Variants in PPP1R13L observed in about 807,000 individuals in gnomAD.
The protein encoded by PPP1R13L is protein phosphatase 1 regulatory subunit 13 like, also known as relA-associated inhibitor.
PPP1R13L carries 50 observed loss-of-function variants against 80.9 expected under a neutral mutation model. That is an observed-to-expected ratio of 0.62 (90% CI 0.49 to 0.78). The LOEUF (loss-of-function observed/expected upper bound fraction) is 0.78. PPP1R13L is among the 30% of genes least tolerant of loss of function. The pLI, the probability that PPP1R13L is intolerant of heterozygous loss-of-function variation, is 0.00. For synonymous variants in PPP1R13L, 602 were observed against 534.3 expected (o/e 1.13, Z -1.75); for missense variants, 1,200 against 1,205.9 (o/e 1.00, Z 0.07).
intron 11 of PPP1R13L, among the ~76,000 whole-genome samples, chr19:45,384,484 A>G (rs1231515956): frequency 6.6e-6 from 1 of 151,792 alleles, no homozygotes; most frequent in Non-Finnish European, 1.5e-5. Flanking sequence ...GTAGTGGGCT[A>G]TGGTGCCATT....
Position 45,391,980 on chromosome 19 carries a change from C to A in PPP1R13L, c.1715G>T (p.Gly572Val). The A allele has an allele frequency of 6.6e-7, 1 of 1,525,420 alleles. No individual in the cohort carries two copies. The highest frequency in any genetic ancestry group is 8.8e-7 in the Non-Finnish European group (1 of 1,138,940). The allele number at this position is 1,525,420 out of a possible 1,614,324, so 94.5% of individuals were successfully genotyped here. ...PEPELSPITE[G>V]SEARAGPPAP... ...AGGGGGCCCTGCCCTGGCCTCAGATCCCTCAGTGATGGGGGACAGCTCTGG... is the reference window on the plus strand; with the variant it reads ...AGGGGGCCCTGCCCTGGCCTCAGATACCTCAGTGATGGGGGACAGCTCTGG... The change falls in exon 8 of 13, where the codon GGA becomes GTA. Residue 572 changes from glycine (G) to valine (V), a missense_variant. By Grantham distance (109) the Gly-to-Val change is moderately radical. Around this residue, in one of 5 missense-constraint regions of PPP1R13L, gnomAD observed 214 missense variants for 199.6 expected, o/e 1.07. Transcript: ENST00000360957.
chr19:45,392,027 C>G lies in PPP1R13L; in HGVS notation c.1668G>C (p.Gly556=). The change falls in exon 8 of 13, where the codon GGG becomes GGC. Residue 556 remains glycine (G), a synonymous_variant. Transcript: ENST00000360957. ...IISRLFHRHG[G]PGPGGPEPEL... ...CTGGCTCCGGCCCCCCGGGCCCTGG[C>G]CCCCCATGACGATGGAAGAGGCGGC... is the stretch of plus-strand genomic sequence containing the variant. The G allele has an allele frequency of 1.3e-6, 2 of 1,541,086 alleles. No homozygotes were observed. Among genetic ancestry groups the G allele is most frequent in the Non-Finnish European group, 1.7e-6 (2 of 1,146,892 alleles).
At chr19:45,387,442 T>C (rs1568555363) in intron 8 of PPP1R13L, among the ~76,000 whole-genome samples, 1 of 152,196 alleles carries the variant, frequency 6.6e-6, no homozygotes, top group Non-Finnish European at 1.5e-5. Context: ...TTCCAATATG[T>C]TGTGATTGCA....
At chr19:45,398,201 C>T in intron 2 of PPP1R13L, 54 bp from the exon 3 acceptor site, 1 of 1,612,802 alleles carries the variant, frequency 6.2e-7, no homozygotes, top group Non-Finnish European at 8.5e-7. Context: ...GGGCCGGCCT[C>T]AGCACCCCTC....
At chr19:45,397,099 A>T in intron 3 of PPP1R13L, 41 bp from the exon 4 acceptor site, 1 of 1,260,206 alleles carries the variant, frequency 7.9e-7, no homozygotes, top group South Asian at 2.9e-5. Context: ...ATCAAAGGAG[A>T]CATTAGTGGA....
intron 7 of PPP1R13L, among the ~76,000 whole-genome samples, chr19:45,394,193 G>A (rs35540981): frequency 6.2e-4 from 93 of 150,102 alleles, no homozygotes; most frequent in African/African-American, 2.1e-3. Context: ...GTGCAGTGGC[G>A]CTATCACAGC....
At chr19:45,406,332 T>A, upstream of PPP1R13L, 8 of 1,150,832 alleles carry the variant, frequency 7.0e-6, no homozygotes, top group Non-Finnish European at 8.5e-6. The surrounding 1 kb of genome is among the most constrained non-coding windows in gnomAD (Gnocchi z 4.2). Flanking sequence ...CCGTCCTGTC[T>A]CTTTAAGGCT....
intron 1 of PPP1R13L, among the ~76,000 whole-genome samples, chr19:45,400,481 A>G (rs1973209394): frequency 6.6e-6 from 1 of 151,968 alleles, no homozygotes; most frequent in South Asian, 2.1e-4. Flanking sequence ...AGTCGAAGGA[A>G]CAGAACCTGT....
At position 45,382,725 on chromosome 19, in the gene PPP1R13L, G is replaced by A. The variant is rs1235757811; in HGVS notation, c.2250C>T (p.Asp750=). 2 of 1,613,754 alleles carry A rather than the reference G, an allele frequency of 1.2e-6. No homozygotes were observed. Among genetic ancestry groups the A allele is most frequent in the Admixed American group, 1.7e-5 (1 of 59,992 alleles). ...GYADCATYLA[D]VEQSMGLMNS... Reference sequence around the variant, plus strand: ...TCATCAGCCCCATACTCTGCTCGACGTCTGAAACATGCCACGGAGGGGAAG... The same window carrying A: ...TCATCAGCCCCATACTCTGCTCGACATCTGAAACATGCCACGGAGGGGAAG... Residue 750 remains aspartate, a splice_region_variant and synonymous_variant, in exon 12 of 13, where the codon GAC becomes GAT. Coordinates refer to ENST00000360957, the MANE Select transcript of PPP1R13L (RefSeq NM_006663.4).
rs1433202682 is a variant in PPP1R13L at position 45,398,288 on chromosome 19, C to T, written c.31G>A (p.Asp11Asn). The stretch of plus-strand genomic sequence containing the variant: ...CACTGGAAGTTCATGTCCAGAAAGT[C>T]CCGCGCGCTCTGGAATGCCTCGCTG... The part of the protein sequence containing the change: MDSEAFQSAR[D>N]FLDMNFQSLA... Residue 11 changes from aspartate to asparagine, a missense_variant, in exon 2 of 13, where the codon GAC becomes AAC. By Grantham distance (23) the Asp-to-Asn change is conservative. Coordinates refer to ENST00000360957, the MANE Select transcript of PPP1R13L (RefSeq NM_006663.4). The T allele has an allele frequency of 3.1e-6, 5 of 1,613,944 alleles. No individual in the cohort carries two copies. In the South Asian group the frequency reaches 3.3e-5, roughly 11 times the overall value.
upstream of PPP1R13L, among the ~76,000 whole-genome samples, chr19:45,405,832 C>A (rs35106329): frequency 8.0e-3 from 1,212 of 152,320 alleles, 15 homozygotes; most frequent in African/African-American, 0.023. Flanking sequence ...CGCCGCCCAA[C>A]GCGGGGCGGC....
At chr19:45,383,690 C>T (rs934253290) in intron 11 of PPP1R13L, among the ~76,000 whole-genome samples, 1 of 152,244 alleles carries the variant, frequency 6.6e-6, no homozygotes, top group African/African-American at 2.4e-5. Flanking sequence ...GGTACAGTCT[C>T]TAAGGAAGAT....
intron 11 of PPP1R13L, among the ~76,000 whole-genome samples, chr19:45,383,875 C>A (rs970843345): frequency 5.3e-5 from 8 of 152,156 alleles, no homozygotes; most frequent in Non-Finnish European, 1.2e-4. Context: ...AATTCTCCTG[C>A]CTCAGCCTCC....
In PPP1R13L at chr19:45,396,105, C is replaced by G; in HGVS notation, c.903+63G>C. 6.6e-7 allele frequency: 1 copy of G among 1,520,358 alleles called. No homozygotes were observed. The highest frequency in any genetic ancestry group is 8.9e-7 in the Non-Finnish European group (1 of 1,127,718). The allele number at this position is 1,520,358 out of a possible 1,614,324, so 94.2% of individuals were successfully genotyped here. A position where few individuals can be genotyped will look rare whatever the true frequency, so the allele number is the denominator to read the frequency against. On this transcript the variant is annotated intron_variant, in intron 6 of 12. Transcript: ENST00000360957. The surrounding 1 kb of genome is among the most constrained non-coding windows in gnomAD (Gnocchi z 5.3). The stretch of plus-strand genomic sequence containing the variant: ...CCCGAGGGGGAGACTGGCCTTGACC[C>G]CGCTCCCCCACCCCACTCCTCGACC...
At chr19:45,401,864 CCG>C (rs1262725124) in intron 1 of PPP1R13L, 1 of 152,042 alleles carries the variant, frequency 6.6e-6, no homozygotes, top group African/African-American at 2.4e-5. Context: ...CTTTGGGAGG[CCG>C]AGGGGGGAGG....
In PPP1R13L at chr19:45,396,357, C is replaced by T; in HGVS notation, c.792G>A (p.Ser264=). 1 of 1,614,110 alleles carries T rather than the reference C, an allele frequency of 6.2e-7. No homozygotes were observed. Among genetic ancestry groups the T allele is most frequent in the South Asian group, 1.1e-5 (1 of 91,088 alleles). Residue 264 remains serine, a synonymous_variant, in exon 5 of 13, where the codon TCG becomes TCA. Transcript: ENST00000360957. The surrounding 1 kb of genome is among the most constrained non-coding windows in gnomAD (Gnocchi z 5.3). ...ACTCACGTTCATAGCTCGCTGTCTGCGAAGGCTTCTTCTCGTACGCCACGT... is the reference window on the plus strand; with the variant it reads ...ACTCACGTTCATAGCTCGCTGTCTGTGAAGGCTTCTTCTCGTACGCCACGT... ...DLDVAYEKKP[S]QTASYERLDV...
chr19:45,404,889 G>T, intron 1 of PPP1R13L, 110 bp downstream of exon 1: 1 of 593,506 alleles, frequency 1.7e-6, no homozygotes, highest in Non-Finnish European at 2.1e-6. Flanking sequence ...GTGTCGGCGC[G>T]CCCCAAATTC....
chr19:45,380,188 T>G lies in PPP1R13L; in HGVS notation c.*2A>C. ...CAGCCTCAGAAACCTCCTTCTATCC[T>G]GCTAGACTTTACTCCTTTGAGGCTT... On this transcript the variant is annotated 3_prime_UTR_variant, in exon 13 of 13. Coordinates refer to ENST00000360957, the MANE Select transcript of PPP1R13L (RefSeq NM_006663.4). The G allele has an allele frequency of 6.2e-7, 1 of 1,614,046 alleles. No homozygotes were observed. The highest frequency in any genetic ancestry group is 8.5e-7 in the Non-Finnish European group (1 of 1,179,962).
Position 45,396,504 on chromosome 19 carries a change from C to A in PPP1R13L, c.712+41G>T. 1 of 1,604,626 alleles carries A rather than the reference C, an allele frequency of 6.2e-7. No individual in the cohort carries two copies. Among genetic ancestry groups the A allele is most frequent in the Non-Finnish European group, 8.5e-7 (1 of 1,176,420 alleles). On this transcript the variant is annotated intron_variant, in intron 4 of 12. Coordinates refer to ENST00000360957, the MANE Select transcript of PPP1R13L (RefSeq NM_006663.4). The surrounding 1 kb of genome is among the most constrained non-coding windows in gnomAD (Gnocchi z 5.3). ...GAGCCCCGGATCCTGCCCGCTTTGA[C>A]CCCGCGAGTCAAAGGCCCCGCGAGG...
Sources: allele counts gnomAD v4.1 joint callset (sites outside exome capture counted in the v4.1 genomes callset), GRCh38; gene constraint gnomAD v4.1.1; regional missense constraint gnomAD v4.1.1; non-coding constraint Gnocchi (gnomAD v3.1); transcripts MANE v1.5; gene names NCBI Gene and HGNC (gene_info 2026-07-23, HGNC 2026-07-21).